The following GRK5 variants were observed in gnomAD, a reference collection of about 807,000 sequenced individuals.
The protein encoded by GRK5 is G protein-coupled receptor kinase 5.
Under a neutral mutation model 78.4 loss-of-function variants are expected in GRK5, and 40 were observed. The ratio of observed to expected loss-of-function variants is 0.51; its 90% CI spans 0.40 to 0.66. GRK5 has a LOEUF of 0.66. Among genes scored for constraint, GRK5 ranks in the 30% least tolerant of loss-of-function variants. GRK5 has a pLI of 0.00. For synonymous variants in GRK5, 289 were observed against 296.8 expected (o/e 0.97, Z 0.27); for missense variants, 598 against 759.9 (o/e 0.79, Z 2.50).
rs542156125 is a variant in GRK5, at chr10:119,427,453, C to T, written c.533+2368C>T. 1.6e-3 allele frequency among the ~76,000 whole-genome samples: 236 copies of T among 150,790 alleles called. 1 individual carries two copies. Among genetic ancestry groups the T allele is most frequent in the African/African-American group, 3.3e-3 (137 of 40,956 alleles). ...GCATCACTGCCATCATCAGCATCAC[C>T]GCCATCATCAGCATCACCACCATCA... On this transcript the variant is annotated intron_variant, in intron 6 of 15. Coordinates refer to ENST00000392870, the MANE Select transcript of GRK5 (RefSeq NM_005308.3).
Position 119,455,258 on chromosome 10 carries a change from G to C in GRK5, c.*191G>C, listed in dbSNP as rs1010128622. On this transcript the variant is annotated 3_prime_UTR_variant, in exon 16 of 16. Coordinates refer to ENST00000392870, the MANE Select transcript of GRK5 (RefSeq NM_005308.3). ...AAATTTCCACTCAGGTCTGTTTTCC[G>C]AGGCGGCCCCGGCCGGGGTGGATTG... 1 of 702,182 alleles carries C rather than the reference G, an allele frequency of 1.4e-6. No individual in the cohort carries two copies. The highest frequency in any genetic ancestry group is 1.7e-5 in the African/African-American group (1 of 57,262). 43.5% of individuals were successfully genotyped at this position (702,182 alleles called of 1,614,324 possible).
At chr10:119,400,253 G>C (rs998376322) in intron 4 of GRK5, among the ~76,000 whole-genome samples, 1 of 152,206 alleles carries the variant, frequency 6.6e-6, no homozygotes, top group African/African-American at 2.4e-5. Flanking sequence ...CTGTGCTCAG[G>C]GAAGTGTGGG....
At chr10:119,441,865 G>A in intron 10 of GRK5, 134 bp from the exon 11 acceptor site, 1 of 667,678 alleles carries the variant, frequency 1.5e-6, no homozygotes, top group East Asian at 2.7e-5. Flanking sequence ...CTCTGAGATG[G>A]CAGATTGGGG....
chr10:119,313,391 C>T lies in GRK5; in HGVS notation c.53-13125C>T, dbSNP rs568747345. Among the ~76,000 whole-genome samples, 3 of 151,782 alleles carry T rather than the reference C, an allele frequency of 2.0e-5. No homozygotes were observed. The South Asian group carries it at 6.2e-4, about 31-fold the overall frequency. The stretch of plus-strand genomic sequence containing the variant: ...TAATGAGTGGTGGTGGCAATGGCTA[C>T]ATTTAGTGGCACCTATGAGGTGCTA... On this transcript the variant is annotated intron_variant, in intron 1 of 15. Coordinates refer to ENST00000392870, the MANE Select transcript of GRK5 (RefSeq NM_005308.3).
At chr10:119,370,084 GACTCCTGGAT>G (rs769425989) in intron 2 of GRK5, among the ~76,000 whole-genome samples, 1 of 152,122 alleles carries the variant, frequency 6.6e-6, no homozygotes, top group Non-Finnish European at 1.5e-5. Flanking sequence ...CCCTTCCCCA[GACTCCTGGAT>G]ACCTCCCTGA....
chr10:119,224,116 C>T (rs1439383307), intron 1 of GRK5, among the ~76,000 whole-genome samples: 2 of 152,134 alleles, frequency 1.3e-5, no homozygotes, highest in Admixed American at 1.3e-4. Context: ...CACTGCACTC[C>T]AGTGAATAGC....
chr10:119,236,892 A>G (rs1176323208), intron 1 of GRK5, among the ~76,000 whole-genome samples: 1 of 151,966 alleles, frequency 6.6e-6, no homozygotes, highest in African/African-American at 2.4e-5. Context: ...TTGGCCTCCC[A>G]AAGTGCAGTT....
intron 1 of GRK5, among the ~76,000 whole-genome samples, chr10:119,259,126 G>A (rs1414241996): frequency 6.9e-6 from 1 of 144,934 alleles, no homozygotes; most frequent in African/African-American, 2.6e-5. Flanking sequence ...CTGCAGTGGT[G>A]CTATCTCGGC....
In GRK5 at chr10:119,303,444, C is replaced by T. The variant is rs548570053; in HGVS notation, c.53-23072C>T. ...GAAAAGGGATGGTCAGGCAGGGGCACAGCCAGCAGGGCGAAGGCTGTGCGA... is the reference window on the plus strand; with the variant it reads ...GAAAAGGGATGGTCAGGCAGGGGCATAGCCAGCAGGGCGAAGGCTGTGCGA... On this transcript the variant is annotated intron_variant, in intron 1 of 15. Coordinates refer to ENST00000392870, the MANE Select transcript of GRK5 (RefSeq NM_005308.3). 1.3e-3 allele frequency among the ~76,000 whole-genome samples: 195 copies of T among 152,210 alleles called. 4 individuals carry two copies. The South Asian group carries it at 0.04, about 31-fold the overall frequency.
chr10:119,222,418 T>C (rs1848669088), intron 1 of GRK5, among the ~76,000 whole-genome samples: 1 of 152,092 alleles, frequency 6.6e-6, no homozygotes, highest in African/African-American at 2.4e-5. Flanking sequence ...CCTGAGGTCA[T>C]TTGCCCTGTC....
intron 3 of GRK5, among the ~76,000 whole-genome samples, chr10:119,396,062 A>G (rs1026674981): frequency 3.3e-5 from 5 of 152,236 alleles, no homozygotes; most frequent in Admixed American, 6.5e-5. Context: ...TTATCCTTGC[A>G]AGGTGTAATA....
At chr10:119,262,164 C>T (rs1289845885) in intron 1 of GRK5, among the ~76,000 whole-genome samples, 2 of 152,096 alleles carry the variant, frequency 1.3e-5, no homozygotes, top group African/African-American at 4.8e-5. Context: ...CATGGAGACA[C>T]TTGGCAGCCA....
At chr10:119,236,214 A>ATT (rs372204989) in intron 1 of GRK5, among the ~76,000 whole-genome samples, 3 of 149,030 alleles carry the variant, frequency 2.0e-5, no homozygotes, top group African/African-American at 7.4e-5. Context: ...CCTACACACT[A>ATT]TTTTTTTTTT....
intron 2 of GRK5, among the ~76,000 whole-genome samples, chr10:119,373,832 A>G (rs546541995): frequency 1.3e-5 from 2 of 152,336 alleles, no homozygotes; most frequent in East Asian, 1.9e-4. Flanking sequence ...TAAAAAATGC[A>G]ATATCTGCAA....
chr10:119,255,155 G>A (rs544241903), intron 1 of GRK5, among the ~76,000 whole-genome samples: 1 of 152,038 alleles, frequency 6.6e-6, no homozygotes, highest in African/African-American at 2.4e-5. Flanking sequence ...TTGGAAGCCC[G>A]GAGGTGGCCT....
chr10:119,403,028 A>G (rs1175806572), intron 4 of GRK5, among the ~76,000 whole-genome samples: 1 of 152,182 alleles, frequency 6.6e-6, no homozygotes, highest in Non-Finnish European at 1.5e-5. Context: ...CCAAGAAGAA[A>G]CTGTTGTACC....
chr10:119,311,754 A>G (rs962587578), intron 1 of GRK5, among the ~76,000 whole-genome samples: 4 of 150,578 alleles, frequency 2.7e-5, no homozygotes, highest in Non-Finnish European at 5.9e-5. Context: ...CTACCACTGC[A>G]CTCCAGCCTG....
intron 1 of GRK5, among the ~76,000 whole-genome samples, chr10:119,295,303 C>T (rs536091617): frequency 6.6e-6 from 1 of 151,632 alleles, no homozygotes. Flanking sequence ...CTGGTCAGGA[C>T]ACAGTTGGCG....
intron 4 of GRK5, among the ~76,000 whole-genome samples, chr10:119,403,862 TG>T (rs1460292960): frequency 5.3e-5 from 8 of 152,190 alleles, no homozygotes; most frequent in Non-Finnish European, 1.2e-4. Context: ...CTCGAACTCC[TG>T]GCCTCAAGTG....
Sources: allele counts gnomAD v4.1 joint callset (sites outside exome capture counted in the v4.1 genomes callset), GRCh38; gene constraint gnomAD v4.1.1; transcripts MANE v1.5; gene names NCBI Gene and HGNC (gene_info 2026-07-23, HGNC 2026-07-21).